The following NAALADL2 variants were observed in gnomAD, a reference collection of about 807,000 sequenced individuals.
The protein encoded by NAALADL2 is inactive N-acetylated-alpha-linked acidic dipeptidase-like protein 2.
Under a neutral mutation model 87.2 loss-of-function variants are expected in NAALADL2, and 76 were observed. The observed-to-expected ratio is 0.87, with a 90% CI of 0.72 to 1.05. NAALADL2 has a LOEUF of 1.05. Among genes scored for constraint, NAALADL2 ranks in the 50% least tolerant of loss-of-function variants. The pLI, the probability that NAALADL2 is intolerant of heterozygous loss-of-function variation, is 0.00. For synonymous variants in NAALADL2, 354 were observed against 331.0 expected (o/e 1.07, Z -0.75); for missense variants, 1,089 against 945.8 (o/e 1.15, Z -1.99).
chr3:174,783,047 A>G (rs1269812609), intron 3 of NAALADL2, among the ~76,000 whole-genome samples: 3 of 152,212 alleles, frequency 2.0e-5, no homozygotes, highest in South Asian at 2.1e-4. Flanking sequence ...GGTTGCATCC[A>G]TATTCCATTT....
chr3:175,458,504 T>C (rs973699398), intron 6 of NAALADL2, among the ~76,000 whole-genome samples: 5 of 147,604 alleles, frequency 3.4e-5, no homozygotes, highest in Non-Finnish European at 6.0e-5. Flanking sequence ...TATAAATTAA[T>C]ATAAATTCAT....
intron 2 of NAALADL2, among the ~76,000 whole-genome samples, chr3:174,688,435 G>A (rs1728246278): frequency 6.7e-6 from 1 of 149,986 alleles, no homozygotes; most frequent in Non-Finnish European, 1.5e-5. Flanking sequence ...ATAAGGCAGA[G>A]TAAATACGAG....
At chr3:175,610,913 T>C (rs1278100391) in intron 10 of NAALADL2, among the ~76,000 whole-genome samples, 1 of 152,100 alleles carries the variant, frequency 6.6e-6, no homozygotes, top group Admixed American at 6.6e-5. Flanking sequence ...ATAGATATGA[T>C]GAAAATACAG....
chr3:175,713,451 C>A (rs1446111368), intron 11 of NAALADL2, among the ~76,000 whole-genome samples: 2 of 152,062 alleles, frequency 1.3e-5, no homozygotes, highest in Non-Finnish European at 2.9e-5. Context: ...TTCAGAATGT[C>A]TTTTACTGCC....
intron 9 of NAALADL2, among the ~76,000 whole-genome samples, chr3:175,525,226 A>C (rs1733227681): frequency 6.6e-6 from 1 of 152,140 alleles, no homozygotes; most frequent in South Asian, 2.1e-4. Flanking sequence ...GTATCACCTT[A>C]GTCATATTTA....
intron 1 of NAALADL2, among the ~76,000 whole-genome samples, chr3:175,028,005 C>T (rs1196880452): frequency 6.6e-6 from 1 of 151,928 alleles, no homozygotes; most frequent in Non-Finnish European, 1.5e-5. Context: ...CAAGTAAGGG[C>T]ATTTTTAGCT....
intron 1 of NAALADL2, among the ~76,000 whole-genome samples, chr3:175,018,405 T>C (rs1424390484): frequency 1.3e-5 from 2 of 152,094 alleles, no homozygotes; most frequent in African/African-American, 4.8e-5. Flanking sequence ...TCTATTATTA[T>C]ATATGTCCAG....
intron 2 of NAALADL2, among the ~76,000 whole-genome samples, chr3:174,602,564 T>TGA (rs1718563645): frequency 3.3e-5 from 5 of 151,992 alleles, no homozygotes; most frequent in Admixed American, 1.3e-4. Flanking sequence ...AAAATTATAT[T>TGA]TCAAATATAA....
At chr3:175,544,300 T>G (rs1712906038) in intron 9 of NAALADL2, among the ~76,000 whole-genome samples, 1 of 152,218 alleles carries the variant, frequency 6.6e-6, no homozygotes, top group Non-Finnish European at 1.5e-5. Context: ...CAAATTGGTT[T>G]GCAGGAAATT....
chr3:175,525,467 A>G (rs1733261277), intron 9 of NAALADL2, among the ~76,000 whole-genome samples: 1 of 152,176 alleles, frequency 6.6e-6, no homozygotes, highest in Non-Finnish European at 1.5e-5. Context: ...GTAGTTTTAT[A>G]ACTTATTAAT....
At chr3:175,474,333 G>A (rs1301250915) in intron 9 of NAALADL2, among the ~76,000 whole-genome samples, 1 of 152,048 alleles carries the variant, frequency 6.6e-6, no homozygotes, top group Non-Finnish European at 1.5e-5. Flanking sequence ...TTTTTTATAA[G>A]CTAGATACAT....
At chr3:175,651,898 G>A (rs1257730816) in intron 11 of NAALADL2, among the ~76,000 whole-genome samples, 3 of 152,190 alleles carry the variant, frequency 2.0e-5, no homozygotes, top group Non-Finnish European at 4.4e-5. Context: ...AGAAGCAAAC[G>A]AAAACGAAAG....
At chr3:174,457,860 C>A (rs983451054) in intron 1 of NAALADL2, among the ~76,000 whole-genome samples, 1 of 151,692 alleles carries the variant, frequency 6.6e-6, no homozygotes, top group East Asian at 1.9e-4. Flanking sequence ...AACATAGAGG[C>A]CTTTATCTTT....
intron 1 of NAALADL2, among the ~76,000 whole-genome samples, chr3:175,062,476 CTGT>C: frequency 7.6e-6 from 1 of 131,568 alleles, no homozygotes; most frequent in African/African-American, 2.8e-5. Flanking sequence ...GGAAGTTTGG[CTGT>C]GTGTGTGTGT....
chr3:174,590,406 A>AT (rs912404007), intron 2 of NAALADL2, among the ~76,000 whole-genome samples: 13 of 151,906 alleles, frequency 8.6e-5, no homozygotes, highest in Admixed American at 2.0e-4. Context: ...GCTTGCATGG[A>AT]TTTTTTTTGA....
At chr3:175,711,274 T>C (rs527312894) in intron 11 of NAALADL2, among the ~76,000 whole-genome samples, 2 of 151,982 alleles carry the variant, frequency 1.3e-5, no homozygotes, top group East Asian at 3.9e-4. Context: ...GATTAGAAAA[T>C]GCAATCTCTT....
chr3:175,403,415 A>C (rs1414752323), intron 5 of NAALADL2, among the ~76,000 whole-genome samples: 2 of 152,084 alleles, frequency 1.3e-5, no homozygotes, highest in Non-Finnish European at 2.9e-5. Context: ...TATGGTGTGG[A>C]TATTCATTTA....
chr3:174,561,490 A>G (rs140719295), intron 2 of NAALADL2, among the ~76,000 whole-genome samples: 395 of 152,176 alleles, frequency 2.6e-3, no homozygotes, highest in African/African-American at 8.7e-3. Flanking sequence ...ATGAGCCACC[A>G]TGCCGGGCCA....
intron 3 of NAALADL2, among the ~76,000 whole-genome samples, chr3:174,774,223 G>T (rs1714933433): frequency 6.6e-6 from 1 of 152,132 alleles, no homozygotes; most frequent in Admixed American, 6.6e-5. Context: ...TGGCATTCAT[G>T]TGGTCCATCA....
Sources: gnomAD v4.1 joint callset for allele counts (sites outside exome capture counted in the v4.1 genomes callset) on GRCh38, gnomAD v4.1.1 for gene constraint, MANE v1.5 for transcripts, NCBI Gene and HGNC (gene_info 2026-07-23, HGNC 2026-07-21) for gene names.